Variants in POLA1 observed in about 807,000 individuals in gnomAD.
POLA1 encodes DNA polymerase alpha catalytic subunit.
In POLA1, 15 loss-of-function variants were observed where a neutral mutation model predicts 124.0. That is an observed-to-expected ratio of 0.12 (90% confidence interval 0.08 to 0.19). POLA1 has a LOEUF of 0.19. Among genes scored for constraint, POLA1 ranks in the 10% least tolerant of loss-of-function variants. POLA1 has a pLI of 1.00. For synonymous variants in POLA1, 408 were observed against 389.4 expected (o/e 1.05, Z -0.56); for missense variants, 886 against 1,103.4 (o/e 0.80, Z 2.79).
chrX:24,872,368 C>A (rs760338304), intron 34 of POLA1, among the ~76,000 whole-genome samples: 1 of 110,821 alleles, frequency 9.0e-6, no homozygotes, highest in Non-Finnish European at 1.9e-5. Flanking sequence ...AGAGGAAATA[C>A]CTAGGAATAA....
intron 17 of POLA1, among the ~76,000 whole-genome samples, chrX:24,735,087 C>G (rs987635388): frequency 1.8e-5 from 2 of 112,048 alleles, no homozygotes; most frequent in Non-Finnish European, 3.8e-5. Flanking sequence ...GATAGGTACT[C>G]TGATTCATAT....
rs188821852 is a variant in POLA1, at chrX:24,807,043, G to T, written c.2965-2855G>T. On this transcript the variant is annotated intron_variant, in intron 26 of 36. Transcript: ENST00000379068. ...ACCAAAAGATTTCTGCCACCAAAGA[G>T]AAAATTGTTTTGGTAGCAGTCCTCA... Among the ~76,000 whole-genome samples the T allele has an allele frequency of 2.4e-3, 270 of 112,060 alleles. 1 individual carries two copies. The highest frequency in any genetic ancestry group is 7.7e-3 in the African/African-American group (238 of 30,834).
chrX:24,848,484 T>A lies in POLA1; in HGVS notation c.4047+4807T>A, dbSNP rs1302715883. ...GTATGAAGATTCCATATTAAGCTTG[T>A]TTTTCATCTTTGCAAGTTAAACAAA... On this transcript the variant is annotated intron_variant, in intron 34 of 36. Transcript: ENST00000379068. Among the ~76,000 whole-genome samples the A allele has an allele frequency of 2.7e-5, 3 of 111,730 alleles. No homozygotes were observed. In the East Asian group the frequency reaches 8.4e-4, roughly 31 times the overall value.
At chrX:24,745,129 A>G (rs749410442) in intron 23 of POLA1, among the ~76,000 whole-genome samples, 8 of 107,956 alleles carry the variant, frequency 7.4e-5, no homozygotes, top group Admixed American at 9.9e-5. Flanking sequence ...ATTTGCTCAT[A>G]ATAATGGTGT....
At chrX:24,983,453 A>G (rs73473558) in intron 36 of POLA1, among the ~76,000 whole-genome samples, 5,322 of 112,025 alleles carry the variant, frequency 0.048, 319 homozygotes, top group African/African-American at 0.16. Context: ...AATATTTGTC[A>G]AATAAACAAG....
intron 32 of POLA1, among the ~76,000 whole-genome samples, chrX:24,830,757 T>C (rs1436784289): frequency 2.7e-5 from 3 of 112,303 alleles, no homozygotes; most frequent in Non-Finnish European, 5.6e-5. Flanking sequence ...CATACCTAGC[T>C]GACTAGGCCA....
intron 1 of POLA1, 133 bp downstream of exon 1, chrX:24,694,137 C>G: frequency 1.6e-6 from 1 of 642,232 alleles, no homozygotes. Flanking sequence ...GGGGGCCCTT[C>G]TGGCGTCGGA....
chrX:24,763,162 TTAGAA>T (rs1408286647), intron 26 of POLA1, among the ~76,000 whole-genome samples: 1 of 111,906 alleles, frequency 8.9e-6, no homozygotes, highest in Non-Finnish European at 1.9e-5. Flanking sequence ...CAGGCTATTA[TTAGAA>T]TAGAATTCCA....
In POLA1 at chrX:24,710,529, A is replaced by T. The variant is rs73626825; in HGVS notation, c.347-4025A>T. Among the ~76,000 whole-genome samples the T allele has an allele frequency of 2.9e-3, 326 of 111,697 alleles. 1 individual carries two copies. Among genetic ancestry groups the T allele is most frequent in the African/African-American group, 0.01 (316 of 30,742 alleles). On this transcript the variant is annotated intron_variant, in intron 4 of 36. Transcript: ENST00000379068. ...GTTTTGTTTATTCATTAGTTGATGGACATTTGGATTGTTTCTACCTTTTGG... is the reference window on the plus strand; with the variant it reads ...GTTTTGTTTATTCATTAGTTGATGGTCATTTGGATTGTTTCTACCTTTTGG...
At chrX:24,966,590 A>C (rs909497316) in intron 36 of POLA1, among the ~76,000 whole-genome samples, 26 of 112,458 alleles carry the variant, frequency 2.3e-4, no homozygotes, top group Admixed American at 1.3e-3. Context: ...ATCTGAGTGC[A>C]TGTTTGTAAG....
intron 28 of POLA1, among the ~76,000 whole-genome samples, chrX:24,812,444 C>G (rs1042512160): frequency 4.5e-5 from 5 of 111,390 alleles, no homozygotes; most frequent in African/African-American, 1.3e-4. Context: ...TTGTCTCTCT[C>G]TCTCTCTTTT....
At chrX:24,954,367 C>T (rs942305236) in intron 36 of POLA1, among the ~76,000 whole-genome samples, 2 of 112,100 alleles carry the variant, frequency 1.8e-5, no homozygotes, top group Non-Finnish European at 3.8e-5. Flanking sequence ...TTGCTAGATC[C>T]ACATTTGCTT....
At chrX:24,905,996 T>G (rs1487586990) in intron 35 of POLA1, among the ~76,000 whole-genome samples, 2 of 111,971 alleles carry the variant, frequency 1.8e-5, no homozygotes, top group African/African-American at 6.5e-5. Context: ...AATTTAAAAG[T>G]CAGAAAATAA....
intron 36 of POLA1, among the ~76,000 whole-genome samples, chrX:24,948,594 C>A (rs905612023): frequency 9.0e-6 from 1 of 111,728 alleles, no homozygotes; most frequent in African/African-American, 3.2e-5. Context: ...AATAAAAAGG[C>A]TGCAACTGCT....
chrX:24,816,663 A>C (rs939841769), intron 30 of POLA1, among the ~76,000 whole-genome samples: 1 of 111,963 alleles, frequency 8.9e-6, no homozygotes, highest in African/African-American at 3.2e-5. Context: ...TCAATTCTGC[A>C]TATTGTATCC....
At chrX:24,698,221 C>T (rs1181579443) in intron 1 of POLA1, among the ~76,000 whole-genome samples, 3 of 111,733 alleles carry the variant, frequency 2.7e-5, no homozygotes, top group African/African-American at 9.8e-5. Context: ...GGATTACAGG[C>T]GTGAGCCACT....
At chrX:24,749,088 A>G in intron 26 of POLA1, 96 bp downstream of exon 26, 1 of 646,297 alleles carries the variant, frequency 1.5e-6, no homozygotes. Flanking sequence ...ACCTAGTTGT[A>G]CAGCATCAAA....
Position 24,814,560 on chromosome X carries a change from T to C in POLA1, c.3297-419T>C, listed in dbSNP as rs1601759251. ...GTTGTTGTCTCAGGTGGAGATGATA[T>C]CTTGATATCAGAGATAATGTCTTGG... On this transcript the variant is annotated intron_variant, in intron 29 of 36. Coordinates refer to ENST00000379068, the MANE Select transcript of POLA1 (RefSeq NM_001330360.2). 2.7e-5 allele frequency among the ~76,000 whole-genome samples: 3 copies of C among 112,318 alleles called. No individual in the cohort carries two copies. The Middle Eastern group carries it at 0.014, about 515-fold the overall frequency.
intron 26 of POLA1, among the ~76,000 whole-genome samples, chrX:24,784,776 T>C (rs1366848170): frequency 8.0e-5 from 9 of 112,270 alleles, no homozygotes; most frequent in Admixed American, 1.9e-4. Context: ...GCAATGGGAA[T>C]TGAAGTAGAC....
Sources: gnomAD v4.1 joint callset for allele counts (sites outside exome capture counted in the v4.1 genomes callset) on GRCh38, gnomAD v4.1.1 for gene constraint, MANE v1.5 for transcripts, NCBI Gene and HGNC (gene_info 2026-07-23, HGNC 2026-07-21) for gene names.